The following CFAP54 variants were observed in gnomAD, a reference collection of about 807,000 sequenced individuals.
The protein encoded by CFAP54 is cilia- and flagella-associated protein 54.
CFAP54 carries 290 observed loss-of-function variants against 370.4 expected under a neutral mutation model. That is an observed-to-expected ratio of 0.78 (90% CI 0.71 to 0.86). CFAP54 has a LOEUF of 0.86. Among genes scored for constraint, CFAP54 ranks in the 40% least tolerant of loss-of-function variants. CFAP54 has a pLI of 0.00. For missense variants in CFAP54, 3,399 were observed against 3,528.7 expected (o/e 0.96, Z 0.93); for synonymous variants, 1,206 against 1,236.5 (o/e 0.98, Z 0.52).
At chr12:96,786,953 A>G (rs1468166734) in intron 62 of CFAP54, 55 bp downstream of exon 62, 2 of 1,263,954 alleles carry the variant, frequency 1.6e-6, no homozygotes, top group East Asian at 5.1e-5. Context: ...AATCATCATT[A>G]TATTTCAGAA....
At chr12:96,620,437 A>G (rs1254239055) in intron 26 of CFAP54, among the ~76,000 whole-genome samples, 10 of 152,156 alleles carry the variant, frequency 6.6e-5, no homozygotes, top group Non-Finnish European at 5.9e-5. Flanking sequence ...CTTGCTTGCC[A>G]CCATGTAAGA....
At chr12:96,860,051 G>A (rs1959833850) in intron 66 of CFAP54, among the ~76,000 whole-genome samples, 2 of 150,982 alleles carry the variant, frequency 1.3e-5, no homozygotes, top group South Asian at 2.1e-4. Context: ...TCACATTTAG[G>A]TTCATTATGC....
chr12:96,715,893 A>T (rs1957672482), intron 48 of CFAP54, among the ~76,000 whole-genome samples: 2 of 152,124 alleles, frequency 1.3e-5, no homozygotes, highest in African/African-American at 4.8e-5. Flanking sequence ...TGGAGTTCAC[A>T]AACAGGCCCA....
In CFAP54 at chr12:96,689,015, T is replaced by C. The variant is rs751980083; in HGVS notation, c.6081+33T>C. 10 of 1,335,872 alleles carry C rather than the reference T, an allele frequency of 7.5e-6. No homozygotes were observed. The Admixed American group carries it at 7.8e-5, about 10-fold the overall frequency. 82.8% of individuals were successfully genotyped at this position (1,335,872 alleles called of 1,614,324 possible). On this transcript the variant is annotated intron_variant, in intron 43 of 67. Transcript: ENST00000524981. ...TCTATGTATGTATGTTTTTCCATTG[T>C]AGCACAACCATTCATTGGATCAGTA...
At chr12:96,589,331 T>C in intron 22 of CFAP54, 96 bp from the exon 23 acceptor site, 3 of 1,031,716 alleles carry the variant, frequency 2.9e-6, no homozygotes, top group South Asian at 1.6e-5. Context: ...TAGCACCTTA[T>C]AAAATGCTGT....
intron 60 of CFAP54, among the ~76,000 whole-genome samples, chr12:96,768,054 C>T (rs1335266579): frequency 6.6e-6 from 1 of 152,106 alleles, no homozygotes; most frequent in Non-Finnish European, 1.5e-5. Flanking sequence ...GGTGCAGTGG[C>T]TCATGCCTGT....
intron 22 of CFAP54, 133 bp downstream of exon 22, chr12:96,581,238 C>CA: frequency 1.8e-6 from 1 of 561,418 alleles, no homozygotes; most frequent in Non-Finnish European, 2.7e-6. Flanking sequence ...TCCATTACTA[C>CA]AGTTTTGTCT....
rs143581180 is a variant in CFAP54 at position 96,552,505 on chromosome 12, G to A, written c.2155-1677G>A. Among the ~76,000 whole-genome samples the A allele has an allele frequency of 1.9e-3, 294 of 151,844 alleles. 2 individuals carry two copies. The highest frequency in any genetic ancestry group is 6.8e-3 in the African/African-American group (281 of 41,456). ...ACTACAGGTCTGCACCATCATGCCC[G>A]GCTAATTTTTGTATTTTTTGGTAGG... is the stretch of plus-strand genomic sequence containing the variant. On this transcript the variant is annotated intron_variant, in intron 15 of 67. Transcript: ENST00000524981.
chr12:96,542,023 C>T (rs949604163), intron 14 of CFAP54, among the ~76,000 whole-genome samples: 1 of 152,098 alleles, frequency 6.6e-6, no homozygotes, highest in Non-Finnish European at 1.5e-5. Flanking sequence ...TGGTTGCAGC[C>T]CTGTACTATA....
intron 45 of CFAP54, 106 bp from the exon 46 acceptor site, chr12:96,699,865 G>T (rs943446414): frequency 3.5e-5 from 32 of 906,828 alleles, no homozygotes; most frequent in Admixed American, 7.6e-5. Flanking sequence ...CCAACATTAA[G>T]CAGAAACTTT....
intron 55 of CFAP54, among the ~76,000 whole-genome samples, chr12:96,753,187 G>T (rs1240155473): frequency 6.6e-6 from 1 of 152,086 alleles, no homozygotes; most frequent in Non-Finnish European, 1.5e-5. Context: ...CCATACAATG[G>T]TTTTTTAAGT....
intron 39 of CFAP54, among the ~76,000 whole-genome samples, chr12:96,669,320 T>C (rs1366067406): frequency 1.3e-5 from 2 of 152,226 alleles, no homozygotes; most frequent in East Asian, 3.8e-4. Context: ...ATGATCACAT[T>C]GGCATTCTTT....
chr12:96,618,232 A>G (rs1956444146), intron 26 of CFAP54, among the ~76,000 whole-genome samples: 1 of 152,172 alleles, frequency 6.6e-6, no homozygotes, highest in Admixed American at 6.5e-5. Context: ...CATCTTGCCA[A>G]TGGCAACTTC....
chr12:96,495,025 A>G (rs2368100), intron 1 of CFAP54, among the ~76,000 whole-genome samples: 79,621 of 152,080 alleles, frequency 0.52, 21,309 homozygotes, highest in East Asian at 0.69. Flanking sequence ...GCGCCTAGAC[A>G]ACAGATGGTT....
At chr12:96,769,840 C>T (rs1354141166) in intron 60 of CFAP54, among the ~76,000 whole-genome samples, 1 of 152,128 alleles carries the variant, frequency 6.6e-6, no homozygotes, top group Non-Finnish European at 1.5e-5. Context: ...TTACAGTGAA[C>T]CTATTGTCAG....
intron 19 of CFAP54, among the ~76,000 whole-genome samples, chr12:96,574,672 T>C (rs1276311086): frequency 1.3e-5 from 2 of 152,134 alleles, no homozygotes; most frequent in African/African-American, 2.4e-5. Flanking sequence ...TATATTTATA[T>C]ACTTCCTAAT....
At position 96,648,032 on chromosome 12, in the gene CFAP54, T is replaced by A. The variant is rs1322531310; in HGVS notation, c.4690+15T>A. 1 of 1,480,552 alleles carries A rather than the reference T, an allele frequency of 6.8e-7. No homozygotes were observed. The allele number at this position is 1,480,552 out of a possible 1,614,324, so 91.7% of individuals were successfully genotyped here. A position where few individuals can be genotyped will look rare whatever the true frequency, so the allele number is the denominator to read the frequency against. ...CTTACCATCAGGTAAAATAAACATG[T>A]TAGTTTATTATTAAATTACCTCTAG... is the stretch of plus-strand genomic sequence containing the variant. On this transcript the variant is annotated intron_variant, in intron 34 of 67. Coordinates refer to ENST00000524981, the MANE Select transcript of CFAP54 (RefSeq NM_001306084.2).
rs537776071 is a variant in CFAP54, at chr12:96,644,056, A to G, written c.4317-122A>G. 3.8e-5 allele frequency: 26 copies of G among 689,556 alleles called. 1 individual carries two copies. In the Middle Eastern group the frequency reaches 2.0e-3, roughly 53 times the overall value. 42.7% of individuals were successfully genotyped at this position (689,556 alleles called of 1,614,324 possible). Reference sequence around the variant, plus strand: ...CTGCAGAAATGATAAATAAGCCAGAAACATTAGCATAAGGGCAGTCAAGTG... The same window carrying G: ...CTGCAGAAATGATAAATAAGCCAGAGACATTAGCATAAGGGCAGTCAAGTG... On this transcript the variant is annotated intron_variant, in intron 32 of 67. Transcript: ENST00000524981.
chr12:96,864,707 T>G (rs1304477109), intron 67 of CFAP54, among the ~76,000 whole-genome samples: 3 of 152,234 alleles, frequency 2.0e-5, no homozygotes, highest in African/African-American at 7.2e-5. Context: ...CATTTGGCTC[T>G]TAACAGTGTC....
Sources: gnomAD v4.1 joint callset for allele counts (sites outside exome capture counted in the v4.1 genomes callset) on GRCh38, gnomAD v4.1.1 for gene constraint, MANE v1.5 for transcripts, NCBI Gene and HGNC (gene_info 2026-07-23, HGNC 2026-07-21) for gene names.